RBM20: variants seen among roughly 807,000 people sequenced by gnomAD.
RBM20 encodes RNA binding motif protein 20, also known as RNA-binding protein 20.
In RBM20, 51 loss-of-function variants were observed where a neutral mutation model predicts 110.1. The ratio of observed to expected loss-of-function variants is 0.46; its 90% CI spans 0.37 to 0.59. The LOEUF is 0.59. Ranked by LOEUF, RBM20 falls within the 20% of genes least tolerant of loss-of-function variation. The pLI is 0.00. For synonymous variants in RBM20, 589 were observed against 618.2 expected, an observed-to-expected ratio of 0.95 and a Z score of 0.70; for missense variants, 1,512 against 1,574.9, an observed-to-expected ratio of 0.96 and a Z score of 0.68.
At chr10:110,752,707 C>T (rs1843868880) in intron 1 of RBM20, among the ~76,000 whole-genome samples, 1 of 151,962 alleles carries the variant, frequency 6.6e-6, no homozygotes, top group Non-Finnish European at 1.5e-5. Context: ...ATAAAGCAAA[C>T]ACCTATGTAT....
intron 1 of RBM20, among the ~76,000 whole-genome samples, chr10:110,659,493 A>T (rs932706990): frequency 1.1e-4 from 17 of 152,138 alleles, no homozygotes; most frequent in African/African-American, 4.1e-4. Flanking sequence ...TTTTTGTCTC[A>T]TGCTGTCATC....
intron 1 of RBM20, among the ~76,000 whole-genome samples, chr10:110,768,056 C>G (rs962019175): frequency 5.9e-5 from 9 of 152,226 alleles, no homozygotes; most frequent in African/African-American, 2.2e-4. Context: ...AGCGAAACCC[C>G]GTCTCCACCA....
chr10:110,682,295 C>T (rs1862434847), intron 1 of RBM20, among the ~76,000 whole-genome samples: 1 of 152,150 alleles, frequency 6.6e-6, no homozygotes, highest in South Asian at 2.1e-4. Context: ...GTACCTCAGT[C>T]TTTTCTTGTT....
At chr10:110,669,860 T>G (rs17828314) in intron 1 of RBM20, among the ~76,000 whole-genome samples, 11,837 of 152,290 alleles carry the variant, frequency 0.078, 603 homozygotes, top group Non-Finnish European at 0.1. Flanking sequence ...GACTAAAAGG[T>G]ACTCTACTGG....
chr10:110,745,309 GC>G (rs1843766255), intron 1 of RBM20, among the ~76,000 whole-genome samples: 1 of 152,100 alleles, frequency 6.6e-6, no homozygotes, highest in Admixed American at 6.5e-5. Flanking sequence ...ATCCCTGCAG[GC>G]TGCATTTCCA....
intron 1 of RBM20, among the ~76,000 whole-genome samples, chr10:110,694,805 G>A (rs563218867): frequency 2.6e-4 from 40 of 152,230 alleles, no homozygotes; most frequent in Admixed American, 9.8e-4. Flanking sequence ...ACCACAAGGA[G>A]CTGACTGACG....
At chr10:110,720,730 C>A (rs1400136608) in intron 1 of RBM20, among the ~76,000 whole-genome samples, 1 of 137,796 alleles carries the variant, frequency 7.3e-6, no homozygotes, top group East Asian at 2.3e-4. Context: ...TAACCCTCAT[C>A]CCTGTGGTGC....
At chr10:110,776,613 T>C (rs1844267871) in intron 1 of RBM20, among the ~76,000 whole-genome samples, 1 of 152,216 alleles carries the variant, frequency 6.6e-6, no homozygotes, top group Non-Finnish European at 1.5e-5. Flanking sequence ...TCTCGCTGAC[T>C]CTGATCCTCC....
chr10:110,711,981 C>T (rs1044059400), intron 1 of RBM20, among the ~76,000 whole-genome samples: 9 of 152,108 alleles, frequency 5.9e-5, no homozygotes, highest in African/African-American at 2.2e-4. Context: ...AGCATTGTTT[C>T]AGATTCAGGA....
chr10:110,697,788 C>T (rs1195444562), intron 1 of RBM20, among the ~76,000 whole-genome samples: 1 of 152,198 alleles, frequency 6.6e-6, no homozygotes, highest in Non-Finnish European at 1.5e-5. Flanking sequence ...CTGACCAGCC[C>T]TTTCTCTTGT....
chr10:110,755,926 C>T (rs937671822), intron 1 of RBM20, among the ~76,000 whole-genome samples: 3 of 152,238 alleles, frequency 2.0e-5, no homozygotes, highest in African/African-American at 7.2e-5. Flanking sequence ...GGCCACCATC[C>T]AGCCCCTTCA....
intron 1 of RBM20, among the ~76,000 whole-genome samples, chr10:110,700,105 T>C (rs1862735743): frequency 6.6e-6 from 1 of 152,232 alleles, no homozygotes; most frequent in African/African-American, 2.4e-5. Context: ...CACGCTTGAC[T>C]GTGGGTAACT....
At chr10:110,730,787 T>A (rs1843612667) in intron 1 of RBM20, among the ~76,000 whole-genome samples, 1 of 152,190 alleles carries the variant, frequency 6.6e-6, no homozygotes, top group African/African-American at 2.4e-5. Flanking sequence ...TGTTTCCCAA[T>A]TAAATAACTG....
intron 1 of RBM20, among the ~76,000 whole-genome samples, chr10:110,751,235 C>T (rs572895409): frequency 6.6e-6 from 1 of 152,282 alleles, no homozygotes; most frequent in South Asian, 2.1e-4. Context: ...TGCTAGATGA[C>T]AAGAAAGTCT....
chr10:110,752,959 T>TTA (rs59454688), intron 1 of RBM20, among the ~76,000 whole-genome samples: 4 of 139,888 alleles, frequency 2.9e-5, no homozygotes, highest in Non-Finnish European at 6.2e-5. Context: ...TTTTTTTTTT[T>TTA]ATGAAGTCTC....
chr10:110,726,407 A>G (rs1379104627), intron 1 of RBM20, among the ~76,000 whole-genome samples: 1 of 152,150 alleles, frequency 6.6e-6, no homozygotes, highest in Admixed American at 6.5e-5. Flanking sequence ...GAGGCCCTCT[A>G]TTCACTTGCC....
Position 110,644,360 on chromosome 10 carries a change from C to G in RBM20, c.-95C>G. The G allele has an allele frequency of 9.8e-7, 1 of 1,025,100 alleles. No homozygotes were observed. 63.5% of individuals were successfully genotyped at this position (1,025,100 alleles called of 1,614,324 possible). A position where few individuals can be genotyped will look rare whatever the true frequency, so the allele number is the denominator to read the frequency against. ...CGCGCCACCGGGAAGGACAAGGGGA[C>G]TGGGCACGGGGACCCCGGCCAGTGA... On this transcript the variant is annotated 5_prime_UTR_variant, in exon 1 of 14. Transcript: ENST00000369519. The surrounding 1 kb of genome is among the most constrained non-coding windows in gnomAD (Gnocchi z 4.3).
At chr10:110,704,312 T>A (rs561606884) in intron 1 of RBM20, among the ~76,000 whole-genome samples, 178 of 152,342 alleles carry the variant, frequency 1.2e-3, no homozygotes, top group South Asian at 2.7e-3. Flanking sequence ...ATATCTGGCA[T>A]CTTTCCAGTT....
At position 110,692,875 on chromosome 10, in the gene RBM20, G is replaced by A. The variant is rs537106630; in HGVS notation, c.191+48230G>A. Among the ~76,000 whole-genome samples, 9 of 136,158 alleles carry A rather than the reference G, an allele frequency of 6.6e-5. No homozygotes were observed. In the East Asian group the frequency reaches 2.0e-3, roughly 30 times the overall value. The allele number at this position is 136,158 out of a possible 152,430, so 89.3% of individuals were successfully genotyped here. On this transcript the variant is annotated intron_variant, in intron 1 of 13. Transcript: ENST00000369519. ...TTTTGTTTTGTTTTGTTTTACCATT[G>A]AGTATGATGTTAGCTGTAGGTTTGT...
Sources: gnomAD v4.1 joint callset for allele counts (sites outside exome capture counted in the v4.1 genomes callset) on GRCh38, gnomAD v4.1.1 for gene constraint, Gnocchi (gnomAD v3.1) non-coding constraint, MANE v1.5 for transcripts, NCBI Gene and HGNC (gene_info 2026-07-23, HGNC 2026-07-21) for gene names.